The following RING1 variants were observed in gnomAD, a reference collection of about 807,000 sequenced individuals.
RING1 encodes E3 ubiquitin-protein ligase RING1.
In RING1, 8 loss-of-function variants were observed where a neutral mutation model predicts 35.0. The ratio of observed to expected loss-of-function variants is 0.23; its 90% confidence interval spans 0.13 to 0.41. The LOEUF (loss-of-function observed/expected upper bound fraction) is 0.41. Ranked by LOEUF, RING1 falls within the 10% of genes least tolerant of loss-of-function variation. The pLI, the probability that RING1 is intolerant of heterozygous loss-of-function variation, is 1.00. For synonymous variants in RING1, 214 were observed against 224.3 expected (o/e 0.95, Z 0.41); for missense variants, 343 against 546.8 (o/e 0.63, Z 3.72).
Position 33,212,382 on chromosome 6 carries a change from AC to A in RING1, c.1206del (p.Lys403ArgfsTer?). On this transcript the variant is annotated frameshift_variant, in exon 7 of 7. Coordinates refer to ENST00000374656, the MANE Select transcript of RING1 (RefSeq NM_002931.4). LOFTEE classifies it high-confidence loss of function. ...SRPLELCYAP[T>X]KDPK The stretch of plus-strand genomic sequence containing the variant: ...GCCACTGGAGCTGTGCTATGCTCCC[AC>A]CAAGGATCCAAAGTGACCCCACCAG... 6.3e-7 allele frequency: 1 copy of A among 1,589,616 alleles called. No homozygotes were observed. Among genetic ancestry groups the A allele is most frequent in the Admixed American group, 1.7e-5 (1 of 57,296 alleles).
Position 33,209,612 on chromosome 6 carries a change from A to G in RING1, c.79-14A>G. On this transcript the variant is annotated splice_polypyrimidine_tract_variant and intron_variant, in intron 2 of 6. Coordinates refer to ENST00000374656, the MANE Select transcript of RING1 (RefSeq NM_002931.4). The surrounding 1 kb of genome is among the most constrained non-coding windows in gnomAD (Gnocchi z 5.1). ...TCTAACCCACACCACCTTTCTACTCACTGATGCCTTCAGGAAGCCATAATG... is the reference window on the plus strand; with the variant it reads ...TCTAACCCACACCACCTTTCTACTCGCTGATGCCTTCAGGAAGCCATAATG... The G allele has an allele frequency of 1.2e-6, 2 of 1,609,632 alleles. No homozygotes were observed. The highest frequency in any genetic ancestry group is 1.7e-6 in the Non-Finnish European group (2 of 1,177,436).
Position 33,209,111 on chromosome 6 carries a change from C to T in RING1, c.78+211C>T, listed in dbSNP as rs1407338527. On this transcript the variant is annotated intron_variant, in intron 2 of 6. Transcript: ENST00000374656. This position sits in a 1 kb window ranked among gnomAD's most constrained non-coding sequence, Gnocchi z 5.1. ...AGAGAGGTGGAACAAGTATTATTAT[C>T]TTCATTTGAAAGATCACAAACACAA... The T allele has an allele frequency of 8.6e-6, 6 of 701,544 alleles. No homozygotes were observed. Among genetic ancestry groups the T allele is most frequent in the Admixed American group, 8.0e-5 (4 of 49,934 alleles). The allele number at this position is 701,544 out of a possible 1,614,324, so 43.5% of individuals were successfully genotyped here.
Position 33,211,693 on chromosome 6 carries a change from G to C in RING1, c.846-36G>C. On this transcript the variant is annotated intron_variant, in intron 5 of 6. Transcript: ENST00000374656. This position sits in a 1 kb window ranked among gnomAD's most constrained non-coding sequence, Gnocchi z 6.3. Reference sequence around the variant, plus strand: ...CCTACCTCCAGTCCTCATCTGAGGCGCTCTGGCTCTAAGCCTGTCCTCCCT... The same window carrying C: ...CCTACCTCCAGTCCTCATCTGAGGCCCTCTGGCTCTAAGCCTGTCCTCCCT... The C allele has an allele frequency of 6.5e-7, 1 of 1,533,308 alleles. No homozygotes were observed. 95.0% of individuals were successfully genotyped at this position (1,533,308 alleles called of 1,614,324 possible). A position where few individuals can be genotyped will look rare whatever the true frequency, so the allele number is the denominator to read the frequency against.
In RING1 at chr6:33,210,097, T is replaced by C; in HGVS notation, c.422T>C (p.Ile141Thr). The change falls in exon 4 of 7, where the codon ATT becomes ACT. Residue 141 changes from isoleucine to threonine, a missense_variant. Physicochemically the swap from Ile to Thr is moderately conservative, Grantham distance 89 (BLOSUM62 -1). Transcript: ENST00000374656. ...AACCAGCAGGCATTGAGCTCCAGCA[T>C]TGAGGAGGGGCTACGCATGCAGGCC... ...LHNQQALSSS[I>T]EEGLRMQAMH... The C allele has an allele frequency of 6.2e-7, 1 of 1,614,034 alleles. No homozygotes were observed. Among genetic ancestry groups the C allele is most frequent in the Non-Finnish European group, 8.5e-7 (1 of 1,180,004 alleles).
rs1775549890 is a variant in RING1 at position 33,211,717 on chromosome 6, C to G, written c.846-12C>G. 6.5e-7 allele frequency: 1 copy of G among 1,537,112 alleles called. No individual in the cohort carries two copies. The highest frequency in any genetic ancestry group is 1.4e-5 in the African/African-American group (1 of 72,666). ...CGCTCTGGCTCTAAGCCTGTCCTCCCTCCCATTCCAGGTATGTGAAGACAA... is the reference window on the plus strand; with the variant it reads ...CGCTCTGGCTCTAAGCCTGTCCTCCGTCCCATTCCAGGTATGTGAAGACAA... On this transcript the variant is annotated splice_polypyrimidine_tract_variant and intron_variant, in intron 5 of 6. Transcript: ENST00000374656. The surrounding 1 kb of genome is among the most constrained non-coding windows in gnomAD (Gnocchi z 6.3).
At position 33,211,080 on chromosome 6, in the gene RING1, A is replaced by T; in HGVS notation, c.456-78A>T. The stretch of plus-strand genomic sequence containing the variant: ...AGGTATCGTCATTAGGATTTTTCTT[A>T]TCTCTTAATTCTCTGAAGTTTAAAG... On this transcript the variant is annotated intron_variant, in intron 4 of 6. Coordinates refer to ENST00000374656, the MANE Select transcript of RING1 (RefSeq NM_002931.4). The surrounding 1 kb of genome is among the most constrained non-coding windows in gnomAD (Gnocchi z 6.3). The T allele has an allele frequency of 1.4e-6, 2 of 1,451,024 alleles. No individual in the cohort carries two copies. The highest frequency in any genetic ancestry group is 1.8e-6 in the Non-Finnish European group (2 of 1,083,830). The allele number at this position is 1,451,024 out of a possible 1,614,324, so 89.9% of individuals were successfully genotyped here. A position where few individuals can be genotyped will look rare whatever the true frequency, so the allele number is the denominator to read the frequency against.
At position 33,209,823 on chromosome 6, in the gene RING1, G is replaced by T. The variant is rs1775402878; in HGVS notation, c.239+37G>T. ...GACATGTTTGAGATGAGATGAAGGG[G>T]TACAAAGTTAGGGCCCTCTCACTGG... On this transcript the variant is annotated intron_variant, in intron 3 of 6. Transcript: ENST00000374656. The surrounding 1 kb of genome is among the most constrained non-coding windows in gnomAD (Gnocchi z 5.1). 1 of 1,603,554 alleles carries T rather than the reference G, an allele frequency of 6.2e-7. No individual in the cohort carries two copies. The highest frequency in any genetic ancestry group is 8.5e-7 in the Non-Finnish European group (1 of 1,170,582).
At position 33,212,625 on chromosome 6, in the gene RING1, C is replaced by T. The variant is rs536885673; in HGVS notation, c.*226C>T. 9 of 465,310 alleles carry T rather than the reference C, an allele frequency of 1.9e-5. No individual in the cohort carries two copies. Among genetic ancestry groups the T allele is most frequent in the South Asian group, 1.4e-4 (3 of 21,348 alleles). 28.8% of individuals were successfully genotyped at this position (465,310 alleles called of 1,614,324 possible). A position where few individuals can be genotyped will look rare whatever the true frequency, so the allele number is the denominator to read the frequency against. Reference sequence around the variant, plus strand: ...TGCTGCCTTTTCTATTGCCCTGCAACGTCCCATCTATACGAGGTGTTGGAG... The same window carrying T: ...TGCTGCCTTTTCTATTGCCCTGCAATGTCCCATCTATACGAGGTGTTGGAG... On this transcript the variant is annotated 3_prime_UTR_variant, in exon 7 of 7. Transcript: ENST00000374656.
chr6:33,209,981 C>T lies in RING1; in HGVS notation c.306C>T (p.Asn102=), dbSNP rs748308232. 3.1e-6 allele frequency: 5 copies of T among 1,614,222 alleles called. No homozygotes were observed. The highest frequency in any genetic ancestry group is 4.2e-6 in the Non-Finnish European group (5 of 1,180,038). Residue 102 remains asparagine (N), a synonymous_variant, in exon 4 of 7, where the codon AAC becomes AAT. Transcript: ENST00000374656. The surrounding 1 kb of genome is among the most constrained non-coding windows in gnomAD (Gnocchi z 5.1). ...AGCGATCCCTACGGCCAGACCCCAA[C>T]TTTGATGCCCTGATCTCTAAGATCT... ...VSKRSLRPDP[N]FDALISKIYP...
In RING1 at chr6:33,211,368, G is replaced by A. The variant is rs1426460315; in HGVS notation, c.666G>A (p.Gly222=). 9.0e-6 allele frequency: 14 copies of A among 1,562,256 alleles called. No individual in the cohort carries two copies. Among genetic ancestry groups the A allele is most frequent in the Non-Finnish European group, 1.2e-5 (14 of 1,153,486 alleles). Residue 222 remains glycine (G), a synonymous_variant, in exon 5 of 7, where the codon GGG becomes GGA. Transcript: ENST00000374656. This position sits in a 1 kb window ranked among gnomAD's most constrained non-coding sequence, Gnocchi z 6.3. ...GGACAGGGGGAGGCGGCACTGGTGGGGTGGGTGGGGGTGCCGGTTCGGAAG... is the reference window on the plus strand; with the variant it reads ...GGACAGGGGGAGGCGGCACTGGTGGAGTGGGTGGGGGTGCCGGTTCGGAAG... ...SVGTGGGGTG[G]VGGGAGSEDS...
Position 33,211,170 on chromosome 6 carries a change from G to A in RING1, c.468G>A (p.Val156=), listed in dbSNP as rs773751992. ...CTTGCTTCTACAGGGCCCAGCGTGTGAGGCGGCCGATACCAGGGTCAGATC... is the reference window on the plus strand; with the variant it reads ...CTTGCTTCTACAGGGCCCAGCGTGTAAGGCGGCCGATACCAGGGTCAGATC... ...RMQAMHRAQR[V]RRPIPGSDQT... The change falls in exon 5 of 7, where the codon GTG becomes GTA. Residue 156 remains valine (V), a synonymous_variant. Transcript: ENST00000374656. The surrounding 1 kb of genome is among the most constrained non-coding windows in gnomAD (Gnocchi z 6.3). 6.2e-7 allele frequency: 1 copy of A among 1,601,388 alleles called. No homozygotes were observed. The highest frequency in any genetic ancestry group is 1.1e-5 in the South Asian group (1 of 90,434).
intron 4 of RING1, 118 bp downstream of exon 4, chr6:33,210,248 C>T (rs1775428380): frequency 2.2e-6 from 2 of 892,488 alleles, no homozygotes; most frequent in Non-Finnish European, 3.5e-6. Flanking sequence ...ATCATTAGGG[C>T]TGGAAATCAT....
rs1459085960 is a variant in RING1 at position 33,209,050 on chromosome 6, G to A, written c.78+150G>A. 1 of 739,830 alleles carries A rather than the reference G, an allele frequency of 1.4e-6. No individual in the cohort carries two copies. The highest frequency in any genetic ancestry group is 1.5e-5 in the South Asian group (1 of 67,842). The allele number at this position is 739,830 out of a possible 1,614,324, so 45.8% of individuals were successfully genotyped here. ...ACCTTAATCTTTCCAAAGCACTTTCGCATTTAGCTCATTTAATCCTCAAAA... is the reference window on the plus strand; with the variant it reads ...ACCTTAATCTTTCCAAAGCACTTTCACATTTAGCTCATTTAATCCTCAAAA... On this transcript the variant is annotated intron_variant, in intron 2 of 6. Coordinates refer to ENST00000374656, the MANE Select transcript of RING1 (RefSeq NM_002931.4). This position sits in a 1 kb window ranked among gnomAD's most constrained non-coding sequence, Gnocchi z 5.1.
In RING1 at chr6:33,211,286, C is replaced by G. The variant is rs776580590; in HGVS notation, c.584C>G (p.Ala195Gly). ...AGCTCAGACTCCGCCCCTGACTCTG[C>G]CCCAGGCCCTGCTCCCAAGCGACCC... ...DVSSDSAPDS[A>G]PGPAPKRPRG... The change falls in exon 5 of 7, where the codon GCC becomes GGC. Residue 195 changes from alanine (A) to glycine (G), a missense_variant. Around this residue, in one of 2 missense-constraint regions of RING1, gnomAD observed 278 missense variants for 383.5 expected, o/e 0.72. Coordinates refer to ENST00000374656, the MANE Select transcript of RING1 (RefSeq NM_002931.4). The surrounding 1 kb of genome is among the most constrained non-coding windows in gnomAD (Gnocchi z 6.3). The G allele has an allele frequency of 1.9e-6, 3 of 1,612,670 alleles. No homozygotes were observed. Among genetic ancestry groups the G allele is most frequent in the Non-Finnish European group, 2.5e-6 (3 of 1,179,848 alleles).
chr6:33,209,155 CTCAT>C lies in RING1; in HGVS notation c.78+259_78+262del. On this transcript the variant is annotated intron_variant, in intron 2 of 6. Transcript: ENST00000374656. This position sits in a 1 kb window ranked among gnomAD's most constrained non-coding sequence, Gnocchi z 5.1. ...AACACAAAAATTACCTTCCCTGTTC[CTCAT>C]TCAGTGTCATAAGTCAGTGCACATA... 1 of 689,426 alleles carries C rather than the reference CTCAT, an allele frequency of 1.5e-6. No individual in the cohort carries two copies. Among genetic ancestry groups the C allele is most frequent in the Non-Finnish European group, 2.7e-6 (1 of 377,234 alleles). 42.7% of individuals were successfully genotyped at this position (689,426 alleles called of 1,614,324 possible).
Position 33,212,463 on chromosome 6 carries a change from C to T in RING1, c.*64C>T, listed in dbSNP as rs1775618035. On this transcript the variant is annotated 3_prime_UTR_variant, in exon 7 of 7. Transcript: ENST00000374656. ...TATCCCTGTGTCCTGGTCTATCACC[C>T]CAGCTTCTTTGTCCCCCAGTACCCC... is the stretch of plus-strand genomic sequence containing the variant. 9 of 1,119,440 alleles carry T rather than the reference C, an allele frequency of 8.0e-6. No homozygotes were observed. Among genetic ancestry groups the T allele is most frequent in the South Asian group, 2.7e-5 (2 of 74,234 alleles). The allele number at this position is 1,119,440 out of a possible 1,614,324, so 69.3% of individuals were successfully genotyped here.
chr6:33,210,886 G>A (rs1280744838), intron 4 of RING1, among the ~76,000 whole-genome samples: 1 of 152,166 alleles, frequency 6.6e-6, no homozygotes, highest in South Asian at 2.1e-4. Context: ...AGAGGTGACA[G>A]CCTATGATCA....
chr6:33,211,316 G>C lies in RING1; in HGVS notation c.614G>C (p.Gly205Ala), dbSNP rs946277499. ...APGPAPKRPR[G>A]GGAGGSSVGT... The stretch of plus-strand genomic sequence containing the variant: ...GGCCCTGCTCCCAAGCGACCCCGTG[G>C]AGGGGGCGCAGGGGGGAGCAGTGTA... The change falls in exon 5 of 7, where the codon GGA (glycine) becomes GCA (alanine). Residue 205 changes from glycine (G) to alanine (A), a missense_variant. By Grantham distance (60) the Gly-to-Ala change is moderately conservative. Coordinates refer to ENST00000374656, the MANE Select transcript of RING1 (RefSeq NM_002931.4). The surrounding 1 kb of genome is among the most constrained non-coding windows in gnomAD (Gnocchi z 6.3). 34 of 1,611,318 alleles carry C rather than the reference G, an allele frequency of 2.1e-5. No homozygotes were observed. The highest frequency in any genetic ancestry group is 2.9e-5 in the Non-Finnish European group (34 of 1,179,184).
At position 33,210,276 on chromosome 6, in the gene RING1, T is replaced by G. The variant is rs1397305034; in HGVS notation, c.455+146T>G. On this transcript the variant is annotated intron_variant, in intron 4 of 6. Transcript: ENST00000374656. ...GAAATCATGGGTGTAAATTGCAGTT[T>G]CTTAGTAAACAACTGGCCCTGCTCT... 8.3e-6 allele frequency: 6 copies of G among 722,102 alleles called. No individual in the cohort carries two copies. The Admixed American group carries it at 1.5e-4, about 18-fold the overall frequency. 44.7% of individuals were successfully genotyped at this position (722,102 alleles called of 1,614,324 possible).
Sources: allele counts gnomAD v4.1 joint callset (sites outside exome capture counted in the v4.1 genomes callset), GRCh38; gene constraint gnomAD v4.1.1; regional missense constraint gnomAD v4.1.1; non-coding constraint Gnocchi (gnomAD v3.1); transcripts MANE v1.5; gene names NCBI Gene and HGNC (gene_info 2026-07-23, HGNC 2026-07-21).